Variants in ADAMTS18 observed in about 807,000 individuals in gnomAD.
ADAMTS18 encodes A disintegrin and metalloproteinase with thrombospondin motifs 18.
Under a neutral mutation model 165.9 loss-of-function variants are expected in ADAMTS18, and 157 were observed. The observed-to-expected ratio is 0.95, with a 90% CI of 0.83 to 1.08. The LOEUF (loss-of-function observed/expected upper bound fraction) is 1.08, where lower values mean the gene tolerates loss of function less well. Ranked by LOEUF, ADAMTS18 falls within the 50% of genes least tolerant of loss-of-function variation. ADAMTS18 has a pLI of 0.00. For missense variants in ADAMTS18, 2,040 were observed against 1,534.0 expected (o/e 1.33, Z -5.51); for synonymous variants, 782 against 578.2 (o/e 1.35, Z -5.06).
intron 21 of ADAMTS18, among the ~76,000 whole-genome samples, chr16:77,290,028 G>C (rs944875912): frequency 6.6e-6 from 1 of 152,200 alleles, no homozygotes; most frequent in South Asian, 2.1e-4. Context: ...GAAAACCAGG[G>C]AAAAATGTAG....
In ADAMTS18 at chr16:77,282,414, T is replaced by G. The variant is rs971894884; in HGVS notation, c.*1542A>C. Reference sequence around the variant, plus strand: ...TTTTTCCTGTTGATAAAATGGCCACTTCTCTAGGCCAAGCCAAGCAGATTG... The same window carrying G: ...TTTTTCCTGTTGATAAAATGGCCACGTCTCTAGGCCAAGCCAAGCAGATTG... On this transcript the variant is annotated 3_prime_UTR_variant, in exon 23 of 23. Coordinates refer to ENST00000282849, the MANE Select transcript of ADAMTS18 (RefSeq NM_199355.4). 4.6e-5 allele frequency: 7 copies of G among 152,190 alleles called. No homozygotes were observed. The highest frequency in any genetic ancestry group is 1.0e-4 in the Non-Finnish European group (7 of 68,020). The allele number at this position is 152,190 out of a possible 1,614,324, so 9.4% of individuals were successfully genotyped here. A position where few individuals can be genotyped will look rare whatever the true frequency, so the allele number is the denominator to read the frequency against.
intron 11 of ADAMTS18, among the ~76,000 whole-genome samples, chr16:77,338,718 C>A (rs2056350275): frequency 6.6e-6 from 1 of 151,762 alleles, no homozygotes; most frequent in African/African-American, 2.4e-5. Flanking sequence ...CTTTGGGAGG[C>A]CAAGGCGGAT....
chr16:77,398,412 C>T (rs1039173870), intron 3 of ADAMTS18, among the ~76,000 whole-genome samples: 2 of 152,030 alleles, frequency 1.3e-5, no homozygotes, highest in African/African-American at 4.8e-5. Context: ...AGTGGTATAA[C>T]AATCACACAC....
At chr16:77,316,949 G>A (rs1490826204) in intron 16 of ADAMTS18, among the ~76,000 whole-genome samples, 3 of 152,124 alleles carry the variant, frequency 2.0e-5, no homozygotes, top group African/African-American at 7.2e-5. Context: ...TTACAGGGGT[G>A]AGCCACCATA....
chr16:77,311,970 G>A (rs925126705), intron 16 of ADAMTS18, among the ~76,000 whole-genome samples: 1 of 152,124 alleles, frequency 6.6e-6, no homozygotes, highest in Non-Finnish European at 1.5e-5. Flanking sequence ...AGATATTGCT[G>A]TAGTTCTTAT....
At chr16:77,380,482 C>A (rs1198391877) in intron 3 of ADAMTS18, among the ~76,000 whole-genome samples, 1 of 152,160 alleles carries the variant, frequency 6.6e-6, no homozygotes, top group Non-Finnish European at 1.5e-5. Flanking sequence ...CAGATTCTGT[C>A]CAAGTTATGC....
intron 3 of ADAMTS18, among the ~76,000 whole-genome samples, chr16:77,417,866 C>G (rs562384040): frequency 6.6e-6 from 1 of 152,156 alleles, no homozygotes; most frequent in East Asian, 1.9e-4. Flanking sequence ...GCACAGGAAA[C>G]ATCCCTTATT....
Position 77,414,558 on chromosome 16 carries a change from A to G in ADAMTS18, c.495+16737T>C, listed in dbSNP as rs190717821. Among the ~76,000 whole-genome samples the G allele has an allele frequency of 5.9e-5, 9 of 152,352 alleles. No homozygotes were observed. In the Middle Eastern group the frequency reaches 0.01, roughly 173 times the overall value. On this transcript the variant is annotated intron_variant, in intron 3 of 22. Coordinates refer to ENST00000282849, the MANE Select transcript of ADAMTS18 (RefSeq NM_199355.4). ...TATGGCTACTAAAAAATTTAAAATT[A>G]TATCGGTTGACTTGCATTATATTTC...
At chr16:77,341,327 A>C (rs1291999336) in intron 11 of ADAMTS18, among the ~76,000 whole-genome samples, 2 of 152,116 alleles carry the variant, frequency 1.3e-5, no homozygotes, top group African/African-American at 2.4e-5. Flanking sequence ...GAGTAGCCGA[A>C]GCCTTGGTCT....
At position 77,317,576 on chromosome 16, in the gene ADAMTS18, C is replaced by T. The variant is rs572610690; in HGVS notation, c.2532+2273G>A. On this transcript the variant is annotated intron_variant, in intron 16 of 22. Transcript: ENST00000282849. Reference sequence around the variant, plus strand: ...CTCGAACTCCTGGCCTCAAGTGATCCACCTGCCTCGGGTGATTTCCTAATG... The same window carrying T: ...CTCGAACTCCTGGCCTCAAGTGATCTACCTGCCTCGGGTGATTTCCTAATG... Among the ~76,000 whole-genome samples, 12 of 152,324 alleles carry T rather than the reference C, an allele frequency of 7.9e-5. No homozygotes were observed. The East Asian group carries it at 2.3e-3, about 29-fold the overall frequency.
At chr16:77,359,543 T>C in intron 7 of ADAMTS18, 120 bp from the exon 8 acceptor site, 2 of 658,954 alleles carry the variant, frequency 3.0e-6, no homozygotes, top group Non-Finnish European at 4.9e-6. Context: ...GCATTCAGTG[T>C]TTTTGGAAAA....
At position 77,343,786 on chromosome 16, in the gene ADAMTS18, T is replaced by C. The variant is rs13329996; in HGVS notation, c.1615-1987A>G. 5.8e-3 allele frequency among the ~76,000 whole-genome samples: 888 copies of C among 152,274 alleles called. 10 individuals carry two copies. Among genetic ancestry groups the C allele is most frequent in the African/African-American group, 0.02 (840 of 41,548 alleles). ...CAGTTAAAGTTGATATTTACAATTATAGCACTAATGGAATGTTGTGAAACA... is the reference window on the plus strand; with the variant it reads ...CAGTTAAAGTTGATATTTACAATTACAGCACTAATGGAATGTTGTGAAACA... On this transcript the variant is annotated intron_variant, in intron 10 of 22. Coordinates refer to ENST00000282849, the MANE Select transcript of ADAMTS18 (RefSeq NM_199355.4).
At chr16:77,392,609 C>G (rs944040212) in intron 3 of ADAMTS18, among the ~76,000 whole-genome samples, 1 of 152,168 alleles carries the variant, frequency 6.6e-6, no homozygotes, top group African/African-American at 2.4e-5. Flanking sequence ...ATGCCTTTGC[C>G]TATGGTCCAT....
In ADAMTS18 at chr16:77,366,887, C is replaced by CT. The variant is rs1004275318; in HGVS notation, c.778+553dup. ...AAAATGTTATTAAAATTCATTTACC[C>CT]TTTTTTTTAACTTTTAAAACTTGTG... On this transcript the variant is annotated intron_variant, in intron 4 of 22. Coordinates refer to ENST00000282849, the MANE Select transcript of ADAMTS18 (RefSeq NM_199355.4). Among the ~76,000 whole-genome samples the CT allele has an allele frequency of 5.3e-5, 8 of 152,002 alleles. No homozygotes were observed. In the East Asian group the frequency reaches 7.7e-4, roughly 15 times the overall value.
Position 77,401,709 on chromosome 16 carries a change from C to T in ADAMTS18, c.495+29586G>A, listed in dbSNP as rs529155347. ...AAGAGAAAGCATGGGAATCAGTAGA[C>T]TAAAGAGGATTCACCCTCACTGACA... On this transcript the variant is annotated intron_variant, in intron 3 of 22. Transcript: ENST00000282849. 1.2e-4 allele frequency among the ~76,000 whole-genome samples: 19 copies of T among 152,294 alleles called. No individual in the cohort carries two copies. The South Asian group carries it at 3.3e-3, about 27-fold the overall frequency.
At chr16:77,389,455 T>G (rs567573830) in intron 3 of ADAMTS18, among the ~76,000 whole-genome samples, 1 of 152,326 alleles carries the variant, frequency 6.6e-6, no homozygotes, top group African/African-American at 2.4e-5. Context: ...CATGACAGTG[T>G]GTGTCTGTCA....
intron 16 of ADAMTS18, among the ~76,000 whole-genome samples, chr16:77,312,988 C>T (rs1414965773): frequency 1.3e-5 from 2 of 152,150 alleles, no homozygotes; most frequent in African/African-American, 2.4e-5. Context: ...TAAAGACACA[C>T]ACACACGTAT....
At chr16:77,364,973 G>A (rs555586797) in intron 4 of ADAMTS18, among the ~76,000 whole-genome samples, 8 of 152,160 alleles carry the variant, frequency 5.3e-5, no homozygotes, top group Admixed American at 1.3e-4. Context: ...ATGCATGGTG[G>A]TGCATGCTTG....
intron 3 of ADAMTS18, among the ~76,000 whole-genome samples, chr16:77,401,963 C>T (rs1278158011): frequency 2.6e-5 from 4 of 152,116 alleles, no homozygotes; most frequent in African/African-American, 7.2e-5. Flanking sequence ...CCTTTGGCTC[C>T]CTTGGGTTTC....
Sources: gnomAD v4.1 joint callset for allele counts (sites outside exome capture counted in the v4.1 genomes callset) on GRCh38, gnomAD v4.1.1 for gene constraint, MANE v1.5 for transcripts, NCBI Gene and HGNC (gene_info 2026-07-23, HGNC 2026-07-21) for gene names.